Variants in CERKL observed in about 807,000 individuals in gnomAD.
CERKL encodes CERK like autophagy regulator.
Under a neutral mutation model 63.4 loss-of-function variants are expected in CERKL, and 61 were observed. The ratio of observed to expected loss-of-function variants is 0.96; its 90% CI spans 0.78 to 1.19. The LOEUF (loss-of-function observed/expected upper bound fraction) is 1.19, where lower values mean the gene tolerates loss of function less well. Among genes scored for constraint, CERKL ranks in the 50% most tolerant of loss-of-function variants. The pLI, the probability that CERKL is intolerant of heterozygous loss-of-function variation, is 0.00. For synonymous variants in CERKL, 250 were observed against 230.5 expected (o/e 1.08, Z -0.77); for missense variants, 675 against 655.5 (o/e 1.03, Z -0.33).
rs1687930689 is a variant in CERKL at position 181,550,329 on chromosome 2, T to C, written c.821-621A>G. On this transcript the variant is annotated intron_variant, in intron 5 of 12. Coordinates refer to ENST00000410087, the MANE Select transcript of CERKL (RefSeq NM_201548.5). This position sits in a 1 kb window ranked among gnomAD's most constrained non-coding sequence, Gnocchi z 4.5. ...TTTGTATTTGAAACATTATGATTTC[T>C]GATTTTCATGATTATTAGAATTTAA... Among the ~76,000 whole-genome samples the C allele has an allele frequency of 6.6e-6, 1 of 152,172 alleles. No homozygotes were observed. The highest frequency in any genetic ancestry group is 2.4e-5 in the African/African-American group (1 of 41,456).
At chr2:181,628,053 G>A (rs1311811828) in intron 1 of CERKL, among the ~76,000 whole-genome samples, 2 of 151,776 alleles carry the variant, frequency 1.3e-5, no homozygotes, top group Non-Finnish European at 2.9e-5. Flanking sequence ...AAACATAAAT[G>A]TCTTGTCCTG....
chr2:181,569,113 T>C (rs1010686179), intron 3 of CERKL, among the ~76,000 whole-genome samples: 3 of 152,140 alleles, frequency 2.0e-5, no homozygotes, highest in African/African-American at 7.2e-5. Context: ...CTTTTTTGTA[T>C]ATACCCCATT....
intron 2 of CERKL, among the ~76,000 whole-genome samples, chr2:181,588,763 T>C (rs1684867399): frequency 6.6e-6 from 1 of 152,186 alleles, no homozygotes; most frequent in African/African-American, 2.4e-5. Context: ...TCTTTTATCT[T>C]TCTGATAACA....
chr2:181,628,525 C>A (rs1686809178), intron 1 of CERKL, among the ~76,000 whole-genome samples: 1 of 152,048 alleles, frequency 6.6e-6, no homozygotes, highest in Non-Finnish European at 1.5e-5. Context: ...AAGGCAGTAA[C>A]CCCCAAAGAT....
At chr2:181,611,419 G>A (rs1330115571) in intron 1 of CERKL, among the ~76,000 whole-genome samples, 3 of 152,132 alleles carry the variant, frequency 2.0e-5, no homozygotes, top group Non-Finnish European at 4.4e-5. Context: ...AGTGTTTTGG[G>A]AGGCTGAGGC....
intron 1 of CERKL, among the ~76,000 whole-genome samples, chr2:181,628,981 T>C (rs1456567293): frequency 1.3e-5 from 2 of 152,106 alleles, no homozygotes; most frequent in African/African-American, 4.8e-5. Context: ...ATGACTAGAG[T>C]AGTAAAAGCT....
intron 1 of CERKL, among the ~76,000 whole-genome samples, chr2:181,649,422 G>A (rs1396553229): frequency 6.6e-6 from 1 of 152,126 alleles, no homozygotes; most frequent in African/African-American, 2.4e-5. Flanking sequence ...TCAACCTAAA[G>A]AGATAAACTC....
intron 1 of CERKL, among the ~76,000 whole-genome samples, chr2:181,632,316 C>A (rs140893481): frequency 1.6e-4 from 24 of 152,194 alleles, no homozygotes; most frequent in Middle Eastern, 3.4e-3. Context: ...ACAGAAATCC[C>A]TTAACACTGG....
chr2:181,645,214 G>T (rs2105523936), intron 1 of CERKL, among the ~76,000 whole-genome samples: 1 of 152,228 alleles, frequency 6.6e-6, no homozygotes, highest in African/African-American at 2.4e-5. Context: ...GGGGAGAGGG[G>T]AATACTGCCT....
chr2:181,581,842 T>C (rs1684527476), intron 2 of CERKL, among the ~76,000 whole-genome samples: 1 of 152,174 alleles, frequency 6.6e-6, no homozygotes, highest in African/African-American at 2.4e-5. Context: ...CAGCAGTGCT[T>C]ATTAAATCCA....
chr2:181,607,537 T>C (rs1198278186), intron 1 of CERKL, among the ~76,000 whole-genome samples: 4 of 152,184 alleles, frequency 2.6e-5, no homozygotes, highest in Admixed American at 2.6e-4. Context: ...TAAGGAAGAA[T>C]ATATTAGAAA....
chr2:181,547,980 A>G, intron 8 of CERKL, 133 bp from the exon 9 acceptor site: 2 of 831,360 alleles, frequency 2.4e-6, no homozygotes, highest in Non-Finnish European at 3.6e-6. Flanking sequence ...TTCTTCAATT[A>G]GATAGTAAGT....
chr2:181,590,482 C>T (rs571541244), intron 2 of CERKL, among the ~76,000 whole-genome samples: 2 of 148,258 alleles, frequency 1.3e-5, no homozygotes, highest in South Asian at 2.1e-4. Flanking sequence ...AAAAAAAAAT[C>T]GTTATAAGAG....
chr2:181,645,675 A>G (rs569972092), intron 1 of CERKL, among the ~76,000 whole-genome samples: 1 of 152,362 alleles, frequency 6.6e-6, no homozygotes, highest in African/African-American at 2.4e-5. Flanking sequence ...AGGTTCAGGC[A>G]CCTGCTCTTT....
intron 8 of CERKL, 179 bp from the exon 9 acceptor site, chr2:181,548,026 G>A (rs961295834): frequency 1.4e-5 from 9 of 637,896 alleles, no homozygotes; most frequent in Non-Finnish European, 2.5e-5. Flanking sequence ...AACATAATGT[G>A]TTGATTCATT....
intron 2 of CERKL, among the ~76,000 whole-genome samples, chr2:181,577,135 G>A (rs56375218): frequency 0.24 from 37,110 of 152,062 alleles, 4,915 homozygotes; most frequent in African/African-American, 0.35. Flanking sequence ...GCCACATTTT[G>A]AGAACCAACA....
intron 1 of CERKL, among the ~76,000 whole-genome samples, chr2:181,604,992 C>T (rs1685620350): frequency 6.6e-6 from 1 of 152,130 alleles, no homozygotes; most frequent in African/African-American, 2.4e-5. Context: ...AAAAAGACTT[C>T]CAAAACTTCT....
chr2:181,591,241 T>A (rs1684978366), intron 2 of CERKL, among the ~76,000 whole-genome samples: 1 of 152,014 alleles, frequency 6.6e-6, no homozygotes, highest in Non-Finnish European at 1.5e-5. Context: ...GGAATATAAG[T>A]AAGATAAACT....
intron 1 of CERKL, chr2:181,649,788 G>C (rs1687822606): frequency 6.6e-6 from 1 of 152,350 alleles, no homozygotes; most frequent in Non-Finnish European, 1.5e-5. Context: ...CCAGCACTTT[G>C]GGAAGCCAAG....
Sources: allele counts gnomAD v4.1 joint callset (sites outside exome capture counted in the v4.1 genomes callset), GRCh38; gene constraint gnomAD v4.1.1; non-coding constraint Gnocchi (gnomAD v3.1); transcripts MANE v1.5; gene names NCBI Gene and HGNC (gene_info 2026-07-23, HGNC 2026-07-21).